The following GLI3 variants were observed in gnomAD, a reference collection of about 807,000 sequenced individuals.
GLI3 encodes the protein transcription activator GLI3.
GLI3 carries 20 observed loss-of-function variants against 100.8 expected under a neutral mutation model. The observed-to-expected ratio is 0.20, with a 90% confidence interval of 0.14 to 0.29. The LOEUF is 0.29. Among genes scored for constraint, GLI3 ranks in the 10% least tolerant of loss-of-function variants. The probability of loss-of-function intolerance (pLI) is 1.00; values close to 1 mark genes in which losing one functional copy is unlikely to be tolerated. For synonymous variants in GLI3, 938 were observed against 860.5 expected (o/e 1.09, Z -1.58); for missense variants, 2,040 against 2,128.5 (o/e 0.96, Z 0.82).
chr7:42,159,848 T>C (rs2128793093), intron 2 of GLI3, among the ~76,000 whole-genome samples: 1 of 152,264 alleles, frequency 6.6e-6, no homozygotes, highest in South Asian at 2.1e-4. Context: ...AACACAAACC[T>C]CCACTTAAAA....
intron 2 of GLI3, among the ~76,000 whole-genome samples, chr7:42,180,152 G>C (rs983494982): frequency 3.3e-5 from 5 of 152,156 alleles, no homozygotes; most frequent in Non-Finnish European, 7.3e-5. Context: ...CAGTGGTGGG[G>C]GCGGAGGACA....
At chr7:42,027,731 GA>G (rs1242008655) in intron 7 of GLI3, among the ~76,000 whole-genome samples, 6 of 152,156 alleles carry the variant, frequency 3.9e-5, no homozygotes, top group African/African-American at 1.2e-4. Flanking sequence ...ATATCATTAA[GA>G]ATACCCTAGG....
intron 9 of GLI3, among the ~76,000 whole-genome samples, chr7:42,024,085 T>A (rs1280760685): frequency 2.0e-5 from 3 of 152,228 alleles, no homozygotes; most frequent in Admixed American, 6.5e-5. Flanking sequence ...GGGAAATGGT[T>A]TACTAGTACT....
At chr7:42,003,611 G>A (rs1251081617) in intron 10 of GLI3, among the ~76,000 whole-genome samples, 1 of 152,074 alleles carries the variant, frequency 6.6e-6, no homozygotes, top group Non-Finnish European at 1.5e-5. Flanking sequence ...CAAAACCCGA[G>A]ATTCTTCTGG....
At chr7:42,213,005 CA>C (rs1377084105) in intron 2 of GLI3, among the ~76,000 whole-genome samples, 3 of 152,202 alleles carry the variant, frequency 2.0e-5, no homozygotes, top group African/African-American at 4.8e-5. Context: ...ACTTTTCTTT[CA>C]AAGAACCTAG....
At chr7:42,240,842 G>C (rs1788917112), upstream of GLI3, among the ~76,000 whole-genome samples, 1 of 152,210 alleles carries the variant, frequency 6.6e-6, no homozygotes, top group Non-Finnish European at 1.5e-5. Context: ...GCAAGAGAGA[G>C]AACAAAGGAT....
chr7:42,192,535 T>G (rs943709506), intron 2 of GLI3, among the ~76,000 whole-genome samples: 4 of 152,246 alleles, frequency 2.6e-5, no homozygotes, highest in African/African-American at 9.6e-5. Context: ...ACATCTACTC[T>G]TTGGCCTTCA....
chr7:41,973,794 A>G (rs1319399313), intron 12 of GLI3, among the ~76,000 whole-genome samples: 1 of 152,298 alleles, frequency 6.6e-6, no homozygotes, highest in East Asian at 1.9e-4. Context: ...AAATGTCCTA[A>G]TGCAGTGAAG....
At position 41,972,494 on chromosome 7, in the gene GLI3, C is replaced by A; in HGVS notation, c.1946G>T (p.Arg649Leu). ...GCCGGAATCTCTCGGGGGTGGCGGC[C>A]GAGGATGGATGTCCCCTCGCTGCTT... ...TKKQRGDIHP[R>L]PPPPRDSGSH... Residue 649 changes from arginine (R) to leucine (L), a missense_variant, in exon 13 of 15, where the codon CGG (arginine) becomes CTG (leucine). Transcript: ENST00000395925. This position sits in a 1 kb window ranked among gnomAD's most constrained non-coding sequence, Gnocchi z 4.4. 1 of 1,612,952 alleles carries A rather than the reference C, an allele frequency of 6.2e-7. No individual in the cohort carries two copies. The highest frequency in any genetic ancestry group is 8.5e-7 in the Non-Finnish European group (1 of 1,179,828).
chr7:42,245,755 ATACT>A (rs1788964462), intron 1 of GLI3, among the ~76,000 whole-genome samples: 1 of 152,136 alleles, frequency 6.6e-6, no homozygotes, highest in Admixed American at 6.5e-5. Flanking sequence ...AAATATAATA[ATACT>A]TATTCTATGC....
At chr7:42,100,202 A>G (rs772972149) in intron 3 of GLI3, among the ~76,000 whole-genome samples, 1 of 152,196 alleles carries the variant, frequency 6.6e-6, no homozygotes, top group Non-Finnish European at 1.5e-5. Context: ...AAGCACAGAT[A>G]AAGGGACTGT....
In GLI3 at chr7:42,178,176, C is replaced by T. The variant is rs532644277; in HGVS notation, c.125-29708G>A. Among the ~76,000 whole-genome samples the T allele has an allele frequency of 3.3e-5, 5 of 152,322 alleles. No homozygotes were observed. In the East Asian group the frequency reaches 9.7e-4, roughly 29 times the overall value. The stretch of plus-strand genomic sequence containing the variant: ...AGCACACAACAAATGTCCACACACT[C>T]AACTGCTCTGCTTAGAACAGAAAGC... On this transcript the variant is annotated intron_variant, in intron 2 of 14. Coordinates refer to ENST00000395925, the MANE Select transcript of GLI3 (RefSeq NM_000168.6).
At position 42,237,127 on chromosome 7, in the gene GLI3, C is replaced by T; in HGVS notation, c.-199G>A. On this transcript the variant is annotated 5_prime_UTR_variant, in exon 1 of 15. Transcript: ENST00000395925. ...TGCGCCCGCCGCGGGCATGGTGCGG[C>T]GCGGGCGGCCGCGGGGCGCGCGGGG... 1 of 147,852 alleles carries T rather than the reference C, an allele frequency of 6.8e-6. No individual in the cohort carries two copies. The highest frequency in any genetic ancestry group is 2.0e-4 in the East Asian group (1 of 5,036). 9.2% of individuals were successfully genotyped at this position (147,852 alleles called of 1,614,324 possible). A position where few individuals can be genotyped will look rare whatever the true frequency, so the allele number is the denominator to read the frequency against.
chr7:42,014,635 T>C (rs1445906127), intron 10 of GLI3, among the ~76,000 whole-genome samples: 1 of 152,176 alleles, frequency 6.6e-6, no homozygotes, highest in African/African-American at 2.4e-5. Flanking sequence ...TATCTTTCAT[T>C]CCTTCTTCTG....
chr7:42,008,230 A>G (rs73100815), intron 10 of GLI3, among the ~76,000 whole-genome samples: 1 of 152,258 alleles, frequency 6.6e-6, no homozygotes, highest in Non-Finnish European at 1.5e-5. Flanking sequence ...AACATTTTGG[A>G]CGGGTCTCAG....
At chr7:42,003,596 C>A (rs187672681) in intron 10 of GLI3, among the ~76,000 whole-genome samples, 1 of 152,226 alleles carries the variant, frequency 6.6e-6, no homozygotes, top group East Asian at 1.9e-4. Context: ...AGTTGAAAAT[C>A]TCATCAAAAC....
chr7:42,258,366 T>A (rs141055207), intron 1 of GLI3, among the ~76,000 whole-genome samples: 243 of 152,340 alleles, frequency 1.6e-3, no homozygotes, highest in African/African-American at 5.6e-3. Context: ...TTGTTGTTGA[T>A]AAATGTTAAT....
At chr7:42,180,495 G>A (rs756191044) in intron 2 of GLI3, among the ~76,000 whole-genome samples, 19 of 152,238 alleles carry the variant, frequency 1.2e-4, no homozygotes, top group Non-Finnish European at 2.1e-4. Context: ...ATGGACATGT[G>A]TATCCTGATG....
At chr7:41,987,254 C>T (rs113642606) in intron 10 of GLI3, among the ~76,000 whole-genome samples, 54,166 of 151,954 alleles carry the variant, frequency 0.36, 11,001 homozygotes, top group East Asian at 0.81. Flanking sequence ...CTACAACCTC[C>T]ACCTCCCGAG....
Sources: gnomAD v4.1 joint callset for allele counts (sites outside exome capture counted in the v4.1 genomes callset) on GRCh38, gnomAD v4.1.1 for gene constraint, Gnocchi (gnomAD v3.1) non-coding constraint, MANE v1.5 for transcripts, NCBI Gene and HGNC (gene_info 2026-07-23, HGNC 2026-07-21) for gene names.